The following HNRNPC variants were observed in gnomAD, a reference collection of about 807,000 sequenced individuals.
HNRNPC encodes heterogeneous nuclear ribonucleoproteins C1/C2.
A neutral mutation model predicts 33.2 loss-of-function variants in HNRNPC; 3 were observed. That is an observed-to-expected ratio of 0.09 (90% CI 0.04 to 0.23). The LOEUF is 0.23. HNRNPC is among the 10% of genes least tolerant of loss of function. The probability of loss-of-function intolerance (pLI) is 1.00; values close to 1 mark genes in which losing one functional copy is unlikely to be tolerated. For synonymous variants in HNRNPC, 121 were observed against 126.7 expected (o/e 0.96, Z 0.30); for missense variants, 143 against 366.7 (o/e 0.39, Z 4.98).
intron 2 of HNRNPC, among the ~76,000 whole-genome samples, chr14:21,243,408 C>T (rs1236984388): frequency 1.3e-5 from 2 of 152,110 alleles, no homozygotes; most frequent in Admixed American, 6.5e-5. Flanking sequence ...GGGGCTTACA[C>T]AGGAATGGTT....
At chr14:21,241,398 A>T (rs1398912995) in intron 2 of HNRNPC, among the ~76,000 whole-genome samples, 1 of 152,196 alleles carries the variant, frequency 6.6e-6, no homozygotes, top group East Asian at 1.9e-4. Context: ...AATTTCAAAG[A>T]CAAAAGTGAC....
intron 1 of HNRNPC, 90 bp downstream of exon 1, chr14:21,269,208 G>A (rs1879539229): frequency 6.6e-6 from 1 of 152,106 alleles, no homozygotes; most frequent in Non-Finnish European, 1.5e-5. Context: ...CGGTTAGTTA[G>A]GGGGAAGGAT....
chr14:21,221,468 T>C (rs1566602443), intron 5 of HNRNPC, among the ~76,000 whole-genome samples: 2 of 152,246 alleles, frequency 1.3e-5, no homozygotes, highest in South Asian at 4.1e-4. Context: ...AACTTCCATC[T>C]ACCGCTTATA....
At chr14:21,226,121 G>A (rs1441515655) in intron 5 of HNRNPC, among the ~76,000 whole-genome samples, 1 of 151,882 alleles carries the variant, frequency 6.6e-6, no homozygotes, top group African/African-American at 2.4e-5. Context: ...AGGAGTTTGA[G>A]ACCAGTCTGG....
At chr14:21,215,473 C>A (rs914786038) in intron 5 of HNRNPC, among the ~76,000 whole-genome samples, 2 of 152,162 alleles carry the variant, frequency 1.3e-5, no homozygotes, top group Non-Finnish European at 2.9e-5. Context: ...AAATCTTTTA[C>A]CAGGGGAACA....
chr14:21,226,550 G>A (rs1311817139), intron 5 of HNRNPC, among the ~76,000 whole-genome samples: 2 of 146,664 alleles, frequency 1.4e-5, no homozygotes, highest in Non-Finnish European at 3.0e-5. Context: ...CAAAACCAGC[G>A]CCTTCAAATG....
At chr14:21,248,926 C>CAATG (rs66800022) in intron 2 of HNRNPC, among the ~76,000 whole-genome samples, 28,735 of 151,966 alleles carry the variant, frequency 0.19, 3,224 homozygotes, top group African/African-American at 0.29. Flanking sequence ...AAGTGCCTGA[C>CAATG]AATGAGTACA....
intron 1 of HNRNPC, among the ~76,000 whole-genome samples, chr14:21,267,123 A>AAAAACAAAAC (rs1345253908): frequency 3.3e-5 from 4 of 122,536 alleles, no homozygotes; most frequent in South Asian, 2.7e-4. Context: ...AAAAAAAAAA[A>AAAAACAAAAC]AAAACAAAAC....
At chr14:21,244,520 G>A (rs1377085169) in intron 2 of HNRNPC, among the ~76,000 whole-genome samples, 1 of 152,166 alleles carries the variant, frequency 6.6e-6, no homozygotes, top group East Asian at 1.9e-4. Context: ...AATTGCCAAA[G>A]TCAGAGAACT....
At chr14:21,254,854 G>A (rs374310402) in intron 2 of HNRNPC, among the ~76,000 whole-genome samples, 4 of 151,054 alleles carry the variant, frequency 2.6e-5, no homozygotes, top group South Asian at 2.1e-4. Context: ...TGCGGTAGGC[G>A]GAGGTTGCGG....
chr14:21,268,561 G>A (rs1432632230), intron 1 of HNRNPC: 2 of 152,124 alleles, frequency 1.3e-5, no homozygotes, highest in African/African-American at 4.8e-5. Flanking sequence ...GACTTAATAT[G>A]ACCCTAGCAA....
At chr14:21,238,665 C>T (rs919003367) in intron 2 of HNRNPC, among the ~76,000 whole-genome samples, 2 of 151,994 alleles carry the variant, frequency 1.3e-5, no homozygotes, top group African/African-American at 4.8e-5. Flanking sequence ...GTCAATGCCC[C>T]TCATCATCAT....
intron 2 of HNRNPC, among the ~76,000 whole-genome samples, chr14:21,244,465 TC>T (rs2139741513): frequency 6.6e-6 from 1 of 152,332 alleles, no homozygotes; most frequent in Non-Finnish European, 1.5e-5. Flanking sequence ...TGCTAAAAAT[TC>T]CATTTAAGGT....
intron 5 of HNRNPC, among the ~76,000 whole-genome samples, chr14:21,221,902 A>T (rs1286877542): frequency 1.3e-5 from 2 of 151,902 alleles, no homozygotes; most frequent in Non-Finnish European, 2.9e-5. Context: ...CAAAAATATT[A>T]GCCGGGCGTG....
intron 2 of HNRNPC, among the ~76,000 whole-genome samples, chr14:21,259,170 C>A (rs1185361497): frequency 6.6e-6 from 1 of 152,094 alleles, no homozygotes; most frequent in Non-Finnish European, 1.5e-5. Flanking sequence ...AGTCTTGTTC[C>A]CCCTCATTAT....
rs185172295 is a variant in HNRNPC at position 21,217,397 on chromosome 14, C to T, written c.366-4280G>A. Among the ~76,000 whole-genome samples the T allele has an allele frequency of 9.2e-5, 14 of 152,264 alleles. No individual in the cohort carries two copies. The East Asian group carries it at 2.3e-3, about 25-fold the overall frequency. Reference sequence around the variant, plus strand: ...AGCACCACTCATTTAAAATATAAAACGACTAAATGGTAAACCAGTATGCTC... The same window carrying T: ...AGCACCACTCATTTAAAATATAAAATGACTAAATGGTAAACCAGTATGCTC... On this transcript the variant is annotated intron_variant, in intron 5 of 8. Coordinates refer to ENST00000553300, the MANE Select transcript of HNRNPC (RefSeq NM_004500.4).
chr14:21,220,158 T>A (rs922405163), intron 5 of HNRNPC, among the ~76,000 whole-genome samples: 11 of 151,934 alleles, frequency 7.2e-5, no homozygotes, highest in African/African-American at 2.2e-4. Flanking sequence ...TCATTCAAAG[T>A]AAAAGCTAAA....
At chr14:21,257,295 G>A (rs78041382) in intron 2 of HNRNPC, among the ~76,000 whole-genome samples, 1 of 151,898 alleles carries the variant, frequency 6.6e-6, no homozygotes. Context: ...ACAGAAAAGA[G>A]AAGTGGAAGG....
chr14:21,268,998 T>C (rs1372334270), intron 1 of HNRNPC, among the ~76,000 whole-genome samples: 1 of 152,072 alleles, frequency 6.6e-6, no homozygotes, highest in African/African-American at 2.4e-5. Context: ...ACGATCTTCA[T>C]TTTCATGATC....
Sources: allele counts gnomAD v4.1 joint callset (sites outside exome capture counted in the v4.1 genomes callset), GRCh38; gene constraint gnomAD v4.1.1; transcripts MANE v1.5; gene names NCBI Gene and HGNC (gene_info 2026-07-23, HGNC 2026-07-21).